PPM1L: variants seen among roughly 807,000 people sequenced by gnomAD.
PPM1L encodes protein phosphatase 1L.
Under a neutral mutation model 31.4 loss-of-function variants are expected in PPM1L, and 13 were observed. The ratio of observed to expected loss-of-function variants is 0.41; its 90% CI spans 0.27 to 0.66. PPM1L has a LOEUF of 0.66. Ranked by LOEUF, PPM1L falls within the 30% of genes least tolerant of loss-of-function variation. PPM1L has a pLI of 0.29. For missense variants in PPM1L, 326 were observed against 453.7 expected (o/e 0.72, Z 2.56); for synonymous variants, 184 against 175.4 (o/e 1.05, Z -0.39).
intron 1 of PPM1L, among the ~76,000 whole-genome samples, chr3:160,890,299 G>T (rs577417011): frequency 6.6e-6 from 1 of 152,220 alleles, no homozygotes; most frequent in East Asian, 1.9e-4. Flanking sequence ...GCAGTCTCAG[G>T]ATACAAAATC....
chr3:160,877,313 C>T (rs1018451389), intron 1 of PPM1L, among the ~76,000 whole-genome samples: 5 of 152,134 alleles, frequency 3.3e-5, no homozygotes, highest in East Asian at 1.9e-4. Context: ...TCTCCAAGTT[C>T]GTGGCAAGCT....
chr3:160,757,995 C>G (rs1714858711), intron 1 of PPM1L, among the ~76,000 whole-genome samples: 1 of 152,250 alleles, frequency 6.6e-6, no homozygotes. Context: ...TTTCATGCTA[C>G]TGTGCCTACC....
chr3:160,758,703 G>A (rs1315375560), intron 1 of PPM1L, among the ~76,000 whole-genome samples: 1 of 152,088 alleles, frequency 6.6e-6, no homozygotes, highest in African/African-American at 2.4e-5. Flanking sequence ...TGTGGTAAAT[G>A]TACCATCCAG....
intron 1 of PPM1L, among the ~76,000 whole-genome samples, chr3:160,814,861 A>T (rs1019785745): frequency 6.6e-6 from 1 of 152,046 alleles, no homozygotes; most frequent in African/African-American, 2.4e-5. Context: ...AGCAACTTGG[A>T]TGGAGTTGGA....
At chr3:161,057,932 T>A (rs1434628220) in intron 2 of PPM1L, among the ~76,000 whole-genome samples, 8 of 151,796 alleles carry the variant, frequency 5.3e-5, no homozygotes, top group Non-Finnish European at 5.9e-5. Context: ...AGATTTTTCT[T>A]ATACCTTACC....
chr3:160,959,955 C>T (rs369618691), intron 1 of PPM1L, among the ~76,000 whole-genome samples: 2 of 151,992 alleles, frequency 1.3e-5, no homozygotes, highest in East Asian at 1.9e-4. Flanking sequence ...CTTAATTATG[C>T]TCATATATAT....
At chr3:160,810,758 T>C (rs1712780375) in intron 1 of PPM1L, among the ~76,000 whole-genome samples, 3 of 152,224 alleles carry the variant, frequency 2.0e-5, no homozygotes, top group Admixed American at 2.0e-4. Context: ...GTATATTATT[T>C]TGCCTTGCAT....
chr3:161,044,105 T>G (rs1345838105), intron 2 of PPM1L, among the ~76,000 whole-genome samples: 1 of 152,160 alleles, frequency 6.6e-6, no homozygotes, highest in Non-Finnish European at 1.5e-5. Flanking sequence ...AGTGGTGCGA[T>G]TTTGGTTCAC....
rs926099947 is a variant in PPM1L, at chr3:161,077,187, A to C, written c.*8030A>C. 6 of 152,238 alleles carry C rather than the reference A, an allele frequency of 3.9e-5. No individual in the cohort carries two copies. Among genetic ancestry groups the C allele is most frequent in the Admixed American group, 2.6e-4 (4 of 15,290 alleles). 9.4% of individuals were successfully genotyped at this position (152,238 alleles called of 1,614,324 possible). On this transcript the variant is annotated 3_prime_UTR_variant, in exon 4 of 4. Coordinates refer to ENST00000498165, the MANE Select transcript of PPM1L (RefSeq NM_139245.4). ...GCTTAGATTTGTTGGGACAGGGCAG[A>C]ATTAGAATAATTATTTCTCACATAT...
At chr3:161,026,971 A>C (rs1718418186) in intron 2 of PPM1L, among the ~76,000 whole-genome samples, 1 of 152,168 alleles carries the variant, frequency 6.6e-6, no homozygotes, top group African/African-American at 2.4e-5. Context: ...TCTGGTGTCA[A>C]ATTCTGGCTC....
chr3:160,768,757 A>C (rs192394980), intron 1 of PPM1L, among the ~76,000 whole-genome samples: 13 of 152,252 alleles, frequency 8.5e-5, no homozygotes, highest in Admixed American at 8.5e-4. Context: ...TTTTGGTTGC[A>C]AGTGACAGAA....
chr3:160,810,881 G>A (rs1287098078), intron 1 of PPM1L, among the ~76,000 whole-genome samples: 1 of 152,172 alleles, frequency 6.6e-6, no homozygotes, highest in Non-Finnish European at 1.5e-5. Flanking sequence ...GCAGATTTCA[G>A]GGATATTCAA....
chr3:160,824,295 C>T (rs181275019), intron 1 of PPM1L, among the ~76,000 whole-genome samples: 1 of 152,072 alleles, frequency 6.6e-6, no homozygotes, highest in African/African-American at 2.4e-5. Context: ...CATATTGGCT[C>T]CCCAGATCTT....
intron 1 of PPM1L, among the ~76,000 whole-genome samples, chr3:160,872,400 C>T (rs1158178726): frequency 1.3e-5 from 2 of 152,150 alleles, no homozygotes; most frequent in Non-Finnish European, 2.9e-5. Flanking sequence ...ACAACTGATG[C>T]TCTCAAGCAC....
intron 2 of PPM1L, among the ~76,000 whole-genome samples, chr3:161,028,423 G>T (rs1041992438): frequency 6.6e-6 from 1 of 152,160 alleles, no homozygotes; most frequent in Admixed American, 6.5e-5. Context: ...GTGTGAGTGA[G>T]ACAATCTTAG....
intron 1 of PPM1L, among the ~76,000 whole-genome samples, chr3:160,900,917 A>G (rs1713517520): frequency 6.6e-6 from 1 of 152,096 alleles, no homozygotes; most frequent in African/African-American, 2.4e-5. Flanking sequence ...CACCTTTCTT[A>G]AGCTCTCAGT....
intron 2 of PPM1L, among the ~76,000 whole-genome samples, chr3:161,048,825 C>T (rs888588687): frequency 1.3e-5 from 2 of 149,762 alleles, no homozygotes; most frequent in Admixed American, 6.7e-5. Context: ...CAAACTATCA[C>T]AAGGACAAAA....
At chr3:160,987,812 C>G (rs796609) in intron 2 of PPM1L, among the ~76,000 whole-genome samples, 95,322 of 152,120 alleles carry the variant, frequency 0.63, 32,241 homozygotes, top group East Asian at 0.98. Context: ...TAGTAATGAA[C>G]GATATGCTCT....
At chr3:160,952,573 G>A (rs1715608045) in intron 1 of PPM1L, among the ~76,000 whole-genome samples, 1 of 152,132 alleles carries the variant, frequency 6.6e-6, no homozygotes, top group African/African-American at 2.4e-5. Flanking sequence ...TACTTCCCTT[G>A]TATGTCTTCC....
Sources: gnomAD v4.1 joint callset for allele counts (sites outside exome capture counted in the v4.1 genomes callset) on GRCh38, gnomAD v4.1.1 for gene constraint, MANE v1.5 for transcripts, NCBI Gene and HGNC (gene_info 2026-07-23, HGNC 2026-07-21) for gene names.